IDE: variants seen among roughly 807,000 people sequenced by gnomAD.
The protein encoded by IDE is insulin-degrading enzyme.
In IDE, 58 loss-of-function variants were observed where a neutral mutation model predicts 133.2. The ratio of observed to expected loss-of-function variants is 0.44; its 90% CI spans 0.35 to 0.54. The LOEUF is 0.54. IDE is among the 20% of genes least tolerant of loss of function. The pLI is 0.00. For missense variants in IDE, 981 were observed against 1,234.0 expected (o/e 0.79, Z 3.07); for synonymous variants, 396 against 421.3 (o/e 0.94, Z 0.73).
At chr10:92,524,476 A>AAT (rs1849485099) in intron 4 of IDE, among the ~76,000 whole-genome samples, 1 of 67,356 alleles carries the variant, frequency 1.5e-5, no homozygotes, top group African/African-American at 7.2e-5. Flanking sequence ...TATAATATAT[A>AAT]ATATATATTA....
chr10:92,521,844 C>A (rs1025166190), intron 4 of IDE, among the ~76,000 whole-genome samples: 3 of 151,754 alleles, frequency 2.0e-5, no homozygotes, highest in African/African-American at 7.3e-5. Flanking sequence ...ATAATGGTAA[C>A]AATAATGGTA....
intron 5 of IDE, among the ~76,000 whole-genome samples, chr10:92,511,098 A>AC (rs1398068863): frequency 1.3e-5 from 2 of 150,486 alleles, no homozygotes; most frequent in African/African-American, 4.9e-5. Flanking sequence ...AAAAAAAAAA[A>AC]AAACTTTTTT....
chr10:92,508,768 A>G lies in IDE; in HGVS notation c.1020T>C (p.His340=), dbSNP rs1262083150. The change falls in exon 7 of 25, where the codon CAT becomes CAC. Residue 340 remains histidine, a synonymous_variant. Transcript: ENST00000265986. ...CTGATAACAGACTTCCAGGACCTTCATGCCCAATGAGATGACCAAGATAAT... is the reference window on the plus strand; with the variant it reads ...CTGATAACAGACTTCCAGGACCTTCGTGCCCAATGAGATGACCAAGATAAT... ...PGHYLGHLIG[H]EGPGSLLSEL... The G allele has an allele frequency of 6.2e-7, 1 of 1,614,116 alleles. No homozygotes were observed. Among genetic ancestry groups the G allele is most frequent in the South Asian group, 1.1e-5 (1 of 91,076 alleles).
intron 1 of IDE, among the ~76,000 whole-genome samples, chr10:92,548,776 T>C (rs934800957): frequency 6.6e-6 from 1 of 152,204 alleles, no homozygotes; most frequent in Non-Finnish European, 1.5e-5. Flanking sequence ...TATCCCTTTA[T>C]AATTGCTATA....
intron 1 of IDE, among the ~76,000 whole-genome samples, chr10:92,568,262 G>A (rs1052157043): frequency 6.6e-6 from 1 of 152,084 alleles, no homozygotes; most frequent in African/African-American, 2.4e-5. Flanking sequence ...ATATAGATTA[G>A]GCCTATCTTA....
At chr10:92,573,137 G>C (rs1843870070) in intron 1 of IDE, 12 of 985,300 alleles carry the variant, frequency 1.2e-5, no homozygotes, top group Non-Finnish European at 1.3e-5. Context: ...AGTATTCAGC[G>C]TTCACTACAA....
chr10:92,454,675 C>T (rs1844897722), intron 24 of IDE, 136 bp from the exon 25 acceptor site: 8 of 651,146 alleles, frequency 1.2e-5, no homozygotes, highest in Non-Finnish European at 2.2e-5. Context: ...CTTGAGGCCG[C>T]TCTACCTAAT....
At chr10:92,564,671 CAAAAAAAAAAAAAAAAAAAAAAAAAAAA>C (rs532861372) in intron 1 of IDE, among the ~76,000 whole-genome samples, 3 of 31,562 alleles carry the variant, frequency 9.5e-5, no homozygotes, top group Non-Finnish European at 1.8e-4. Flanking sequence ...GAGACTGTCT[CAAAAAAAAAAAAAAAAAAAAAAAAAAAA>C]AAAAAAAAAA....
intron 1 of IDE, among the ~76,000 whole-genome samples, chr10:92,564,623 G>A (rs541595711): frequency 1.2e-4 from 15 of 127,218 alleles, no homozygotes; most frequent in Admixed American, 3.8e-4. Context: ...GCAGTAAGCC[G>A]AGACTGCGCC....
intron 19 of IDE, 128 bp from the exon 20 acceptor site, chr10:92,465,971 C>T: frequency 1.3e-6 from 1 of 764,322 alleles, no homozygotes; most frequent in Non-Finnish European, 2.2e-6. Flanking sequence ...GTAGAGAAGC[C>T]TGGAGTTGTA....
intron 22 of IDE, among the ~76,000 whole-genome samples, chr10:92,460,815 G>C (rs1439415921): frequency 6.6e-6 from 1 of 152,166 alleles, no homozygotes; most frequent in Non-Finnish European, 1.5e-5. Context: ...CTTCAAAGCA[G>C]CAACACACAA....
chr10:92,560,185 G>C (rs1843209481), intron 1 of IDE, among the ~76,000 whole-genome samples: 1 of 152,196 alleles, frequency 6.6e-6, no homozygotes, highest in East Asian at 1.9e-4. Flanking sequence ...CTGGTTGACT[G>C]TAAGTACAAA....
rs1402544586 is a variant in IDE at position 92,508,871 on chromosome 10, G to T, written c.917C>A (p.Pro306His). 2.5e-6 allele frequency: 4 copies of T among 1,612,132 alleles called. No individual in the cohort carries two copies. Among genetic ancestry groups the T allele is most frequent in the Non-Finnish European group, 8.5e-7 (1 of 1,178,400 alleles). ...ATAGAGATTCCTAATATCTTTAATG[G>T]GTACTATTTTGTAAAGTTGCTGGAG... is the stretch of plus-strand genomic sequence containing the variant. ...EHLKQLYKIV[P>H]IKDIRNLYVT... The change falls in exon 7 of 25, where the codon CCC (proline) becomes CAC (histidine). Residue 306 changes from proline (P) to histidine (H), a missense_variant. By Grantham distance (77) the Pro-to-His change is moderately conservative. Around this residue, in one of 2 missense-constraint regions of IDE, gnomAD observed 660 missense variants for 894.7 expected, o/e 0.74. Transcript: ENST00000265986.
chr10:92,486,277 G>T (rs1451757234), intron 13 of IDE, among the ~76,000 whole-genome samples: 1 of 152,092 alleles, frequency 6.6e-6, no homozygotes, highest in Admixed American at 6.6e-5. Context: ...TTGAACTTGG[G>T]AGGCGGAAGT....
At chr10:92,518,495 T>C (rs1348452334) in intron 4 of IDE, among the ~76,000 whole-genome samples, 1 of 152,102 alleles carries the variant, frequency 6.6e-6, no homozygotes, top group Non-Finnish European at 1.5e-5. Flanking sequence ...CCTGATGGAG[T>C]GCATCTTGAA....
At chr10:92,546,139 G>A (rs770225884) in intron 1 of IDE, among the ~76,000 whole-genome samples, 1 of 152,172 alleles carries the variant, frequency 6.6e-6, no homozygotes, top group Non-Finnish European at 1.5e-5. Flanking sequence ...AAAGAGGCTA[G>A]ACACAAAAGA....
intron 1 of IDE, among the ~76,000 whole-genome samples, chr10:92,572,534 G>A (rs1843835125): frequency 6.6e-6 from 1 of 152,124 alleles, no homozygotes; most frequent in Non-Finnish European, 1.5e-5. Flanking sequence ...CTGACATCCT[G>A]CACACAGCCA....
At chr10:92,557,827 T>C (rs1484810048) in intron 1 of IDE, among the ~76,000 whole-genome samples, 1 of 142,978 alleles carries the variant, frequency 7.0e-6, no homozygotes, top group East Asian at 2.0e-4. Flanking sequence ...GAGGCGGAGG[T>C]TGCAGTCACT....
Position 92,454,154 on chromosome 10 carries a change from A to G in IDE, c.*290T>C, listed in dbSNP as rs112269616. 2.5e-4 allele frequency: 59 copies of G among 237,980 alleles called. 1 individual carries two copies. Among genetic ancestry groups the G allele is most frequent in the African/African-American group, 8.4e-4 (37 of 44,064 alleles). 14.7% of individuals were successfully genotyped at this position (237,980 alleles called of 1,614,324 possible). Reference sequence around the variant, plus strand: ...TTACAGAATAGGGAAGGAAGATTCTATAGGAATATCATTCATTTTAAGCAT... The same window carrying G: ...TTACAGAATAGGGAAGGAAGATTCTGTAGGAATATCATTCATTTTAAGCAT... On this transcript the variant is annotated 3_prime_UTR_variant, in exon 25 of 25. Coordinates refer to ENST00000265986, the MANE Select transcript of IDE (RefSeq NM_004969.4).
Sources: allele counts gnomAD v4.1 joint callset (sites outside exome capture counted in the v4.1 genomes callset), GRCh38; gene constraint gnomAD v4.1.1; regional missense constraint gnomAD v4.1.1; transcripts MANE v1.5; gene names NCBI Gene and HGNC (gene_info 2026-07-23, HGNC 2026-07-21).